The following CACNA2D4 variants were observed in gnomAD, a reference collection of about 807,000 sequenced individuals.
CACNA2D4 encodes calcium voltage-gated channel auxiliary subunit alpha2delta 4.
CACNA2D4 carries 157 observed loss-of-function variants against 163.8 expected under a neutral mutation model. The observed-to-expected ratio is 0.96, with a 90% CI of 0.84 to 1.09. The LOEUF (loss-of-function observed/expected upper bound fraction) is 1.09, where lower values mean the gene tolerates loss of function less well. Among genes scored for constraint, CACNA2D4 ranks in the 50% least tolerant of loss-of-function variants. The probability of loss-of-function intolerance (pLI) is 0.00; values close to 1 mark genes in which losing one functional copy is unlikely to be tolerated. For synonymous variants in CACNA2D4, 598 were observed against 586.9 expected (o/e 1.02, Z -0.27); for missense variants, 1,410 against 1,479.9 (o/e 0.95, Z 0.78).
chr12:1,814,800 C>T (rs1863824040), intron 26 of CACNA2D4, among the ~76,000 whole-genome samples: 1 of 152,224 alleles, frequency 6.6e-6, no homozygotes, highest in Non-Finnish European at 1.5e-5. Context: ...TCTCTCTGAT[C>T]CATTCTCCAC....
At chr12:1,889,745 G>C (rs1866233662) in intron 6 of CACNA2D4, among the ~76,000 whole-genome samples, 1 of 152,008 alleles carries the variant, frequency 6.6e-6, no homozygotes, top group Non-Finnish European at 1.5e-5. Context: ...TTATATTGGG[G>C]AAATTTATTT....
chr12:1,844,488 AG>A lies in CACNA2D4; in HGVS notation c.2383del (p.Leu795TrpfsTer38). ...GCGGTACCACAGCGGGAAGCGGTCC[AG>A]GGTGAACACGCTGGCCTCGTCCTCA... ...TPEDEASVFT[L>X]DRFPLWYRQA... On this transcript the variant is annotated frameshift_variant, in exon 25 of 38. Coordinates refer to ENST00000382722, the MANE Select transcript of CACNA2D4 (RefSeq NM_172364.5). LOFTEE classifies it high-confidence loss of function. This position sits in a 1 kb window ranked among gnomAD's most constrained non-coding sequence, Gnocchi z 4.2. 6.2e-7 allele frequency: 1 copy of A among 1,613,542 alleles called. No homozygotes were observed.
intron 18 of CACNA2D4, among the ~76,000 whole-genome samples, chr12:1,862,061 C>T (rs1202841803): frequency 6.6e-6 from 1 of 152,206 alleles, no homozygotes; most frequent in East Asian, 1.9e-4. Flanking sequence ...GTAGTTTGTT[C>T]CTTTCTGCTG....
chr12:1,795,514 G>C (rs1436129178), intron 36 of CACNA2D4, 133 bp from the exon 37 acceptor site: 2 of 974,614 alleles, frequency 2.1e-6, no homozygotes, highest in Admixed American at 4.0e-5. Context: ...AGGCAGCACC[G>C]GGGCCCAGGG....
rs1209762068 is a variant in CACNA2D4 at position 1,820,876 on chromosome 12, G to T, written c.2552-9153C>A. ...TTGGTGGGGACAGGGGGTGGTCGGG[G>T]CATGGGAAGTGGGCACCGGCCATCT... On this transcript the variant is annotated intron_variant, in intron 26 of 37. Coordinates refer to ENST00000382722, the MANE Select transcript of CACNA2D4 (RefSeq NM_172364.5). This position sits in a 1 kb window ranked among gnomAD's most constrained non-coding sequence, Gnocchi z 6.0. 2 of 152,278 alleles carry T rather than the reference G, an allele frequency of 1.3e-5. No individual in the cohort carries two copies. Among genetic ancestry groups the T allele is most frequent in the African/African-American group, 4.8e-5 (2 of 41,454 alleles). 9.4% of individuals were successfully genotyped at this position (152,278 alleles called of 1,614,324 possible).
At chr12:1,853,839 A>C in intron 23 of CACNA2D4, 112 bp downstream of exon 23, 1 of 760,714 alleles carries the variant, frequency 1.3e-6, no homozygotes, top group Non-Finnish European at 2.2e-6. Flanking sequence ...CTTAGGCCAA[A>C]GGACGTGGGT....
intron 26 of CACNA2D4, among the ~76,000 whole-genome samples, chr12:1,832,046 C>G (rs1407812669): frequency 1.3e-5 from 2 of 152,224 alleles, no homozygotes; most frequent in Admixed American, 1.3e-4. Flanking sequence ...AACTTCCTCT[C>G]CCAAGTTTTA....
rs1321761115 is a variant in CACNA2D4, at chr12:1,799,744, A to G, written c.2975-49T>C. 1 of 1,558,706 alleles carries G rather than the reference A, an allele frequency of 6.4e-7. No individual in the cohort carries two copies. Among genetic ancestry groups the G allele is most frequent in the East Asian group, 2.4e-5 (1 of 41,474 alleles). On this transcript the variant is annotated intron_variant, in intron 33 of 37. Transcript: ENST00000382722. This position sits in a 1 kb window ranked among gnomAD's most constrained non-coding sequence, Gnocchi z 4.7. ...CAGGGTGGACACGGCACAGGAAAAC[A>G]TGGTGGCACATGAGGGCAGGATGTC...
chr12:1,797,175 C>T (rs561704367), intron 35 of CACNA2D4, among the ~76,000 whole-genome samples: 1 of 152,370 alleles, frequency 6.6e-6, no homozygotes, highest in African/African-American at 2.4e-5. Context: ...GACCACCTCT[C>T]CCCATCCCGG....
chr12:1,884,592 G>C (rs2154449732), intron 11 of CACNA2D4, among the ~76,000 whole-genome samples, 176 bp downstream of exon 11: 1 of 152,060 alleles, frequency 6.6e-6, no homozygotes, highest in Non-Finnish European at 1.5e-5. Flanking sequence ...TCAGGCCTCT[G>C]TGTCTCGGGT....
chr12:1,814,139 A>G (rs758422923), intron 26 of CACNA2D4, among the ~76,000 whole-genome samples: 1 of 152,172 alleles, frequency 6.6e-6, no homozygotes, highest in East Asian at 1.9e-4. Flanking sequence ...GAGGTCTCAC[A>G]TTATTCCTAG....
At chr12:1,867,141 T>C (rs1010569453) in intron 18 of CACNA2D4, among the ~76,000 whole-genome samples, 1 of 152,226 alleles carries the variant, frequency 6.6e-6, no homozygotes, top group East Asian at 1.9e-4. Context: ...CTTTGGATTT[T>C]AGTAGCTGGA....
rs192991525 is a variant in CACNA2D4 at position 1,886,328 on chromosome 12, C to T, written c.888G>A (p.Val296=). 731 of 1,613,918 alleles carry T rather than the reference C, an allele frequency of 4.5e-4. 3 individuals carry two copies. The African/African-American group carries it at 8.9e-3, about 20-fold the overall frequency. ...GCCCCTTCATACTGCCGCTCACGTC[C>T]ACCAAAATCACTATGTCCTTGGGAG... ...ATSPKDIVIL[V]DVSGSMKGLR... The change falls in exon 8 of 38, where the codon GTG becomes GTA. Residue 296 remains valine, a synonymous_variant. Coordinates refer to ENST00000382722, the MANE Select transcript of CACNA2D4 (RefSeq NM_172364.5).
intron 26 of CACNA2D4, among the ~76,000 whole-genome samples, chr12:1,814,548 C>T (rs550148824): frequency 7.2e-5 from 11 of 152,368 alleles, no homozygotes; most frequent in African/African-American, 2.6e-4. Context: ...TCACTTTGAA[C>T]TTAGCGTGTT....
At position 1,917,163 on chromosome 12, in the gene CACNA2D4, A is replaced by G. The variant is rs1291145741; in HGVS notation, c.227+1084T>C. Among the ~76,000 whole-genome samples, 11 of 152,080 alleles carry G rather than the reference A, an allele frequency of 7.2e-5. No individual in the cohort carries two copies. The highest frequency in any genetic ancestry group is 6.5e-4 in the Admixed American group (10 of 15,280). On this transcript the variant is annotated intron_variant, in intron 1 of 37. Transcript: ENST00000382722. This position sits in a 1 kb window ranked among gnomAD's most constrained non-coding sequence, Gnocchi z 4.3. ...GCACCTTCACTTCCTGGCCTTGTGA[A>G]CTTGGGGAAGTCACCTGACCTCTCG...
chr12:1,918,428 G>T lies in CACNA2D4; in HGVS notation c.46C>A (p.Pro16Thr), dbSNP rs1172788305. ...SALLPLPNPR[P>T]TMPATPNFLA... ...AAGTTGGGAGTTGCAGGCATGGTGG[G>T]CCTGGGGTTGGGGAGGGGAAGGAGG... The change falls in exon 1 of 38, where the codon CCC (proline) becomes ACC (threonine). Residue 16 changes from proline to threonine, a missense_variant. Pro to Thr is a conservative substitution (Grantham distance 38, BLOSUM62 -1). Coordinates refer to ENST00000382722, the MANE Select transcript of CACNA2D4 (RefSeq NM_172364.5). The T allele has an allele frequency of 6.3e-7, 1 of 1,588,366 alleles. No individual in the cohort carries two copies. Among genetic ancestry groups the T allele is most frequent in the Non-Finnish European group, 8.6e-7 (1 of 1,167,984 alleles).
intron 1 of CACNA2D4, 55 bp downstream of exon 1, chr12:1,918,192 A>G: frequency 7.5e-7 from 1 of 1,327,580 alleles, no homozygotes; most frequent in Non-Finnish European, 1.1e-6. Flanking sequence ...CAGCCCGGGA[A>G]GAAAGTGGGA....
At chr12:1,891,988 G>A (rs1866294634) in intron 6 of CACNA2D4, among the ~76,000 whole-genome samples, 1 of 152,130 alleles carries the variant, frequency 6.6e-6, no homozygotes, top group South Asian at 2.1e-4. Context: ...GAAACAAAAA[G>A]GATGGAAAGT....
At chr12:1,840,878 G>T (rs942655399) in intron 25 of CACNA2D4, 59 bp from the exon 26 acceptor site, 3 of 1,428,544 alleles carry the variant, frequency 2.1e-6, no homozygotes, top group East Asian at 4.5e-5. Context: ...CAGGTGGAGC[G>T]CTACCACTTT....
Sources: allele counts gnomAD v4.1 joint callset (sites outside exome capture counted in the v4.1 genomes callset), GRCh38; gene constraint gnomAD v4.1.1; non-coding constraint Gnocchi (gnomAD v3.1); transcripts MANE v1.5; gene names NCBI Gene and HGNC (gene_info 2026-07-23, HGNC 2026-07-21).